NEK1: variants seen among roughly 807,000 people sequenced by gnomAD.
NEK1 encodes NIMA related kinase 1.
In NEK1, 137 loss-of-function variants were observed where a neutral mutation model predicts 182.1. The observed-to-expected ratio is 0.75, with a 90% CI of 0.65 to 0.87. The LOEUF is 0.87. Ranked by LOEUF, NEK1 falls within the 40% of genes least tolerant of loss-of-function variation. The pLI, the probability that NEK1 is intolerant of heterozygous loss-of-function variation, is 0.00. For synonymous variants in NEK1, 513 were observed against 492.2 expected (o/e 1.04, Z -0.56); for missense variants, 1,391 against 1,494.4 (o/e 0.93, Z 1.14).
chr4:169,544,391 G>C (rs995986090), intron 18 of NEK1, among the ~76,000 whole-genome samples: 1 of 152,004 alleles, frequency 6.6e-6, no homozygotes, highest in East Asian at 1.9e-4. Context: ...GAGGATTTTC[G>C]CAACAATGTT....
chr4:169,563,070 T>TG (rs1365146738), intron 12 of NEK1, among the ~76,000 whole-genome samples: 1 of 152,146 alleles, frequency 6.6e-6, no homozygotes, highest in East Asian at 1.9e-4. Flanking sequence ...CTAAAGTATT[T>TG]GGGGGCGGGA....
At chr4:169,579,325 G>C (rs185382695) in intron 11 of NEK1, among the ~76,000 whole-genome samples, 32 of 152,234 alleles carry the variant, frequency 2.1e-4, no homozygotes, top group Admixed American at 2.0e-3. Context: ...GCTGACACTG[G>C]GTATTTCCAG....
chr4:169,436,064 T>C (rs2149418974), intron 28 of NEK1, among the ~76,000 whole-genome samples: 1 of 152,140 alleles, frequency 6.6e-6, no homozygotes, highest in South Asian at 2.1e-4. Flanking sequence ...CCACCACATG[T>C]GACTAATTTT....
intron 35 of NEK1, among the ~76,000 whole-genome samples, chr4:169,399,514 T>G (rs1366622580): frequency 6.6e-6 from 1 of 151,840 alleles, no homozygotes; most frequent in African/African-American, 2.4e-5. Context: ...GGGGTGGAGG[T>G]TGCAATGAGC....
intron 12 of NEK1, among the ~76,000 whole-genome samples, chr4:169,573,838 G>A (rs1412648235): frequency 6.6e-6 from 1 of 152,154 alleles, no homozygotes; most frequent in Non-Finnish European, 1.5e-5. Flanking sequence ...AAGTTAAAGT[G>A]GGAGACAAGA....
chr4:169,578,350 C>A (rs1766049183), intron 11 of NEK1, among the ~76,000 whole-genome samples: 1 of 152,194 alleles, frequency 6.6e-6, no homozygotes, highest in Non-Finnish European at 1.5e-5. Context: ...AAAGCCTAAG[C>A]AGCAGCTTGC....
Position 169,408,841 on chromosome 4 carries a change from A to G in NEK1, c.3223-2094T>C, listed in dbSNP as rs138090996. 3.9e-5 allele frequency among the ~76,000 whole-genome samples: 6 copies of G among 152,284 alleles called. No homozygotes were observed. The East Asian group carries it at 1.2e-3, about 29-fold the overall frequency. ...GGCTGAGTAGTCTTCCAAGGTACGTATATTCCACGTTTTCTTTATTCACTC... is the reference window on the plus strand; with the variant it reads ...GGCTGAGTAGTCTTCCAAGGTACGTGTATTCCACGTTTTCTTTATTCACTC... On this transcript the variant is annotated intron_variant, in intron 31 of 35. Transcript: ENST00000507142.
intron 23 of NEK1, among the ~76,000 whole-genome samples, chr4:169,495,070 G>A (rs1750915398): frequency 6.6e-6 from 1 of 151,946 alleles, no homozygotes; most frequent in Admixed American, 6.6e-5. Flanking sequence ...AGTTTCTTTT[G>A]CTGTGCAGAA....
At chr4:169,556,165 A>T in intron 16 of NEK1, 70 bp from the exon 17 acceptor site, 1 of 1,381,394 alleles carries the variant, frequency 7.2e-7, no homozygotes, top group South Asian at 1.5e-5. Flanking sequence ...TAGTCTCAAA[A>T]GAAAAAGTAA....
chr4:169,414,516 C>T (rs1734195638), intron 31 of NEK1, among the ~76,000 whole-genome samples: 2 of 152,132 alleles, frequency 1.3e-5, no homozygotes, highest in African/African-American at 4.8e-5. Flanking sequence ...ATTAGACATT[C>T]CTTTGAAGCA....
intron 2 of NEK1, among the ~76,000 whole-genome samples, chr4:169,608,954 G>C (rs374513552): frequency 4.0e-5 from 6 of 151,608 alleles, no homozygotes; most frequent in African/African-American, 1.5e-4. Flanking sequence ...CCAGCTACTC[G>C]GGAGGCTGAG....
In NEK1 at chr4:169,537,893, A is replaced by G. The variant is rs184804243; in HGVS notation, c.1581T>C (p.Ala527=). 471 of 1,604,184 alleles carry G rather than the reference A, an allele frequency of 2.9e-4. 1 individual carries two copies. In the African/African-American group the frequency reaches 5.4e-3, roughly 18 times the overall value. The change falls in exon 19 of 36, where the codon GCT becomes GCC. Residue 527 remains alanine, a synonymous_variant. Transcript: ENST00000507142. ...ANANRQKGQL[A]VERAKQVEEF... ...CTTCTACTTGTTTAGCTCTTTCTAC[A>G]GCTAGCTGCCCTTTTTGCCTAATTT...
rs1402918351 is a variant in NEK1 at position 169,570,502 on chromosome 4, G to A, written c.1020+6426C>T. Among the ~76,000 whole-genome samples, 15 of 150,602 alleles carry A rather than the reference G, an allele frequency of 1.0e-4. No individual in the cohort carries two copies. The East Asian group carries it at 2.4e-3, about 24-fold the overall frequency. On this transcript the variant is annotated intron_variant, in intron 12 of 35. Transcript: ENST00000507142. ...GGCCAGCCGCCCCGTCCGGAAGGGA[G>A]GTGGGGGGGTCAGCCCCCCGCCCGG...
chr4:169,507,676 A>AT (rs1753539420), intron 22 of NEK1, 39 bp downstream of exon 22: 2 of 1,497,210 alleles, frequency 1.3e-6, no homozygotes, highest in Non-Finnish European at 1.8e-6. Flanking sequence ...TCAGCTTTCA[A>AT]TTTTCTCTAA....
At chr4:169,569,707 TG>T (rs1044341021) in intron 12 of NEK1, among the ~76,000 whole-genome samples, 2 of 152,160 alleles carry the variant, frequency 1.3e-5, no homozygotes, top group African/African-American at 4.8e-5. Context: ...TTGGCCGGGC[TG>T]GTCTCCAGCT....
chr4:169,571,613 GT>G (rs1764864502), intron 12 of NEK1, among the ~76,000 whole-genome samples: 1 of 152,194 alleles, frequency 6.6e-6, no homozygotes, highest in South Asian at 2.1e-4. Flanking sequence ...TACTTGGCAT[GT>G]TTAAGGACAA....
In NEK1 at chr4:169,481,595, AT is replaced by A. The variant is rs375367119; in HGVS notation, c.2008-2062del. Among the ~76,000 whole-genome samples, 13 of 151,116 alleles carry A rather than the reference AT, an allele frequency of 8.6e-5. No homozygotes were observed. In the East Asian group the frequency reaches 9.7e-4, roughly 11 times the overall value. On this transcript the variant is annotated intron_variant, in intron 23 of 35. Transcript: ENST00000507142. ...CAATGAGTAGTAATATTTGGAAATA[AT>A]TTTTTTTTTCTAACCAGTAGGTCTC... is the stretch of plus-strand genomic sequence containing the variant.
intron 28 of NEK1, among the ~76,000 whole-genome samples, chr4:169,436,092 AG>A (rs1396495020): frequency 6.6e-6 from 1 of 152,004 alleles, no homozygotes; most frequent in Admixed American, 6.6e-5. Context: ...TCAGTAGAGA[AG>A]GGGTATTGCC....
Position 169,508,919 on chromosome 4 carries a change from T to C in NEK1, c.1666-67A>G, listed in dbSNP as rs1306943045. The C allele has an allele frequency of 3.9e-6, 5 of 1,269,862 alleles. No homozygotes were observed. In the African/African-American group the frequency reaches 7.4e-5, roughly 19 times the overall value. The allele number at this position is 1,269,862 out of a possible 1,614,324, so 78.7% of individuals were successfully genotyped here. A position where few individuals can be genotyped will look rare whatever the true frequency, so the allele number is the denominator to read the frequency against. On this transcript the variant is annotated intron_variant, in intron 19 of 35. Transcript: ENST00000507142. ...GCTACATTATTATCTTACCAAGGAA[T>C]ATCCAGGTGCTACTTTATTTCTTTT... is the stretch of plus-strand genomic sequence containing the variant.
Sources: allele counts gnomAD v4.1 joint callset (sites outside exome capture counted in the v4.1 genomes callset), GRCh38; gene constraint gnomAD v4.1.1; transcripts MANE v1.5; gene names NCBI Gene and HGNC (gene_info 2026-07-23, HGNC 2026-07-21).